The following DTX1 variants were observed in gnomAD, a reference collection of about 807,000 sequenced individuals.
DTX1 encodes the protein deltex E3 ubiquitin ligase 1.
DTX1 carries 26 observed loss-of-function variants against 57.8 expected under a neutral mutation model. That is an observed-to-expected ratio of 0.45 (90% CI 0.33 to 0.62). The LOEUF is 0.62. Among genes scored for constraint, DTX1 ranks in the 20% least tolerant of loss-of-function variants. DTX1 has a pLI of 0.02. For synonymous variants in DTX1, 398 were observed against 394.1 expected (o/e 1.01, Z -0.12); for missense variants, 704 against 895.3 (o/e 0.79, Z 2.73).
chr12:113,068,073 T>C (rs943127467), intron 2 of DTX1, among the ~76,000 whole-genome samples: 7 of 152,210 alleles, frequency 4.6e-5, no homozygotes, highest in Admixed American at 3.9e-4. Flanking sequence ...CAGGTCACTA[T>C]TTTTTAAATG....
rs1348129701 is a variant in DTX1 at position 113,077,135 on chromosome 12, C to G, written c.260-289C>G. 6.6e-6 allele frequency among the ~76,000 whole-genome samples: 1 copy of G among 152,170 alleles called. No homozygotes were observed. The highest frequency in any genetic ancestry group is 1.5e-5 in the Non-Finnish European group (1 of 68,018). On this transcript the variant is annotated intron_variant, in intron 2 of 9. Coordinates refer to ENST00000548759, the MANE Select transcript of DTX1 (RefSeq NM_004416.3). The surrounding 1 kb of genome is among the most constrained non-coding windows in gnomAD (Gnocchi z 7.8). ...CGCCCAATCTACTGACCACGCGCCC[C>G]TGCCCACCTCTCGCCCCAGTGCTAT... is the stretch of plus-strand genomic sequence containing the variant.
intron 3 of DTX1, 59 bp downstream of exon 3, chr12:113,078,164 C>CG: frequency 1.6e-6 from 2 of 1,261,744 alleles, no homozygotes; most frequent in Non-Finnish European, 1.0e-6. Context: ...GGACGAAGCC[C>CG]GGGGGTGGTT....
intron 2 of DTX1, among the ~76,000 whole-genome samples, chr12:113,071,583 A>G (rs2044738499): frequency 6.6e-6 from 1 of 152,236 alleles, no homozygotes; most frequent in Non-Finnish European, 1.5e-5. Context: ...TCCCAGGCTG[A>G]AGAAACTCCA....
chr12:113,085,154 A>G (rs1304276784), intron 3 of DTX1, among the ~76,000 whole-genome samples: 2 of 152,004 alleles, frequency 1.3e-5, no homozygotes, highest in Non-Finnish European at 2.9e-5. Flanking sequence ...GGCTCAAGCA[A>G]TACTTGTACC....
At chr12:113,083,282 G>A (rs759723717) in intron 3 of DTX1, among the ~76,000 whole-genome samples, 1 of 152,054 alleles carries the variant, frequency 6.6e-6, no homozygotes, top group Non-Finnish European at 1.5e-5. Context: ...TTGGGGCACA[G>A]TTCAGCCCAT....
In DTX1 at chr12:113,095,188, C is replaced by A; in HGVS notation, c.1533C>A (p.Ile511=). 6.2e-7 allele frequency: 1 copy of A among 1,606,036 alleles called. No individual in the cohort carries two copies. Among genetic ancestry groups the A allele is most frequent in the Non-Finnish European group, 8.5e-7 (1 of 1,173,340 alleles). ...DTQTIRIVYD[I]PTGIQGPEHP... is the part of the protein sequence containing the mutation. Reference sequence around the variant, plus strand: ...AGACCATCCGCATCGTCTATGACATCCCCACAGGCATCCAGGTGGGCTCCC... The same window carrying A: ...AGACCATCCGCATCGTCTATGACATACCCACAGGCATCCAGGTGGGCTCCC... The change falls in exon 8 of 10, where the codon ATC becomes ATA. Residue 511 remains isoleucine (I), a synonymous_variant. Transcript: ENST00000548759.
At position 113,093,983 on chromosome 12, in the gene DTX1, GC is replaced by G; in HGVS notation, c.1166-53del. The G allele has an allele frequency of 6.4e-7, 1 of 1,555,704 alleles. No individual in the cohort carries two copies. Among genetic ancestry groups the G allele is most frequent in the East Asian group, 2.4e-5 (1 of 42,132 alleles). ...GACCCCTGACCCAGTTCTGAGCCAA[GC>G]CTTCGGGGACAGACTCTGGGTACCC... On this transcript the variant is annotated intron_variant, in intron 5 of 9. Coordinates refer to ENST00000548759, the MANE Select transcript of DTX1 (RefSeq NM_004416.3). The surrounding 1 kb of genome is among the most constrained non-coding windows in gnomAD (Gnocchi z 4.2).
chr12:113,084,229 C>A (rs1308027513), intron 3 of DTX1, among the ~76,000 whole-genome samples: 1 of 152,208 alleles, frequency 6.6e-6, no homozygotes, highest in Non-Finnish European at 1.5e-5. Context: ...CCGCCCTGTC[C>A]CCTGAGGGGT....
rs1372105167 is a variant in DTX1, at chr12:113,077,952, C to T, written c.788C>T (p.Ala263Val). Residue 263 changes from alanine to valine, a missense_variant, in exon 3 of 10, where the codon GCC becomes GTC. Physicochemically the swap from Ala to Val is moderately conservative, Grantham distance 64. This residue lies in a region of DTX1 where 299 missense variants were observed against 311.2 expected (regional missense o/e 0.96). Coordinates refer to ENST00000548759, the MANE Select transcript of DTX1 (RefSeq NM_004416.3). This position sits in a 1 kb window ranked among gnomAD's most constrained non-coding sequence, Gnocchi z 7.8. ...FTGAALWAAP[A>V]AGPAEPAPPP... ...GGCGCCGCGCTCTGGGCAGCGCCCG[C>T]CGCCGGCCCCGCCGAGCCCGCGCCG... is the stretch of plus-strand genomic sequence containing the variant. 9.9e-7 allele frequency: 1 copy of T among 1,009,674 alleles called. No homozygotes were observed. The highest frequency in any genetic ancestry group is 1.2e-6 in the Non-Finnish European group (1 of 847,816). The allele number at this position is 1,009,674 out of a possible 1,614,324, so 62.5% of individuals were successfully genotyped here. A position where few individuals can be genotyped will look rare whatever the true frequency, so the allele number is the denominator to read the frequency against.
At chr12:113,080,065 C>T (rs1436091397) in intron 3 of DTX1, among the ~76,000 whole-genome samples, 11 of 147,406 alleles carry the variant, frequency 7.5e-5, no homozygotes, top group Admixed American at 6.9e-4. Flanking sequence ...GCATGGAGGG[C>T]GGGGAAGCTG....
chr12:113,077,372 C>A lies in DTX1; in HGVS notation c.260-52C>A. ...CCTGGCTGTGGCCCGCCCTTCCAGC[C>A]GCGCAGACCAACGCCCGCTGTGCTG... On this transcript the variant is annotated intron_variant, in intron 2 of 9. Coordinates refer to ENST00000548759, the MANE Select transcript of DTX1 (RefSeq NM_004416.3). The surrounding 1 kb of genome is among the most constrained non-coding windows in gnomAD (Gnocchi z 7.8). 1.3e-6 allele frequency: 2 copies of A among 1,537,878 alleles called. No homozygotes were observed. The highest frequency in any genetic ancestry group is 1.3e-5 in the South Asian group (1 of 79,370).
At chr12:113,062,997 C>T (rs1008172466) in intron 2 of DTX1, among the ~76,000 whole-genome samples, 2 of 152,340 alleles carry the variant, frequency 1.3e-5, no homozygotes, top group African/African-American at 4.8e-5. Context: ...TTAGATCAAT[C>T]ACGGTGGTGT....
Position 113,096,930 on chromosome 12 carries a change from C to T in DTX1, c.1854C>T (p.Ala618=). Residue 618 remains alanine, a synonymous_variant, in exon 10 of 10, where the codon GCC becomes GCT. Transcript: ENST00000548759. ...CCCAGGGCGTATCCGAGGCTGCAGC[C>T]AAGGCTTGAGGCCCAAGGCTGCCCA... ...LTAQGVSEAA[A]KA is the part of the protein sequence containing the mutation. The T allele has an allele frequency of 1.2e-6, 2 of 1,610,614 alleles. No individual in the cohort carries two copies. The highest frequency in any genetic ancestry group is 1.7e-6 in the Non-Finnish European group (2 of 1,179,668).
chr12:113,097,295 A>T lies in DTX1; in HGVS notation c.*356A>T, dbSNP rs914828556. 8.8e-5 allele frequency: 21 copies of T among 237,616 alleles called. No individual in the cohort carries two copies. The highest frequency in any genetic ancestry group is 5.9e-4 in the Admixed American group (11 of 18,686). The allele number at this position is 237,616 out of a possible 1,614,324, so 14.7% of individuals were successfully genotyped here. A position where few individuals can be genotyped will look rare whatever the true frequency, so the allele number is the denominator to read the frequency against. The stretch of plus-strand genomic sequence containing the variant: ...GGAAGAGAAGAGACAGAAAGACCCC[A>T]TGACCCCCCCATGTGGATCCCCATC... On this transcript the variant is annotated 3_prime_UTR_variant, in exon 10 of 10. Transcript: ENST00000548759.
intron 3 of DTX1, among the ~76,000 whole-genome samples, chr12:113,078,904 G>T (rs1409281623): frequency 6.6e-6 from 1 of 152,068 alleles, no homozygotes; most frequent in African/African-American, 2.4e-5. Context: ...AATCGTGGGG[G>T]GTGGGGTAAT....
intron 9 of DTX1, chr12:113,095,691 C>T (rs531943405): frequency 4.8e-5 from 21 of 436,326 alleles, no homozygotes; most frequent in African/African-American, 3.1e-4. Flanking sequence ...AACTAAGTGG[C>T]GGAGCTGGGA....
At chr12:113,090,254 G>T (rs1950236972) in intron 3 of DTX1, among the ~76,000 whole-genome samples, 1 of 152,206 alleles carries the variant, frequency 6.6e-6, no homozygotes, top group African/African-American at 2.4e-5. Flanking sequence ...AAGAGGAAAA[G>T]CTTGAGGGAA....
At chr12:113,088,301 C>T (rs867735107) in intron 3 of DTX1, among the ~76,000 whole-genome samples, 1 of 152,246 alleles carries the variant, frequency 6.6e-6, no homozygotes, top group Non-Finnish European at 1.5e-5. Context: ...GAGGAGGATT[C>T]TGAAGTTGCA....
In DTX1 at chr12:113,093,452, CGAGG is replaced by C; in HGVS notation, c.1004-85_1004-82del. 1.7e-6 allele frequency: 2 copies of C among 1,153,936 alleles called. No homozygotes were observed. Among genetic ancestry groups the C allele is most frequent in the South Asian group, 1.6e-5 (1 of 61,954 alleles). 71.5% of individuals were successfully genotyped at this position (1,153,936 alleles called of 1,614,324 possible). ...CAAGAGCGCAACCCTCCCACCCACC[CGAGG>C]GCCCCGGGATTCCCAGGGCCAGTGG... is the stretch of plus-strand genomic sequence containing the variant. On this transcript the variant is annotated intron_variant, in intron 4 of 9. Coordinates refer to ENST00000548759, the MANE Select transcript of DTX1 (RefSeq NM_004416.3). This position sits in a 1 kb window ranked among gnomAD's most constrained non-coding sequence, Gnocchi z 4.2.
Sources: allele counts gnomAD v4.1 joint callset (sites outside exome capture counted in the v4.1 genomes callset), GRCh38; gene constraint gnomAD v4.1.1; regional missense constraint gnomAD v4.1.1; non-coding constraint Gnocchi (gnomAD v3.1); transcripts MANE v1.5; gene names NCBI Gene and HGNC (gene_info 2026-07-23, HGNC 2026-07-21).